Variants in BPIFB2 observed in about 807,000 individuals in gnomAD.
The protein encoded by BPIFB2 is BPI fold-containing family B member 2.
Under a neutral mutation model 50.1 loss-of-function variants are expected in BPIFB2, and 39 were observed. That is an observed-to-expected ratio of 0.78 (90% CI 0.60 to 1.02). BPIFB2 has a LOEUF of 1.02. Ranked by LOEUF, BPIFB2 falls within the 50% of genes least tolerant of loss-of-function variation. The pLI is 0.00. For missense variants in BPIFB2, 574 were observed against 585.8 expected, an observed-to-expected ratio of 0.98 and a Z score of 0.21; for synonymous variants, 280 against 256.3, an observed-to-expected ratio of 1.09 and a Z score of -0.88.
At chr20:33,017,175 C>A in intron 7 of BPIFB2, 73 bp downstream of exon 7, 2 of 1,432,766 alleles carry the variant, frequency 1.4e-6, no homozygotes, top group Non-Finnish European at 1.9e-6. Flanking sequence ...CCTCCAAAGG[C>A]TCCACTCTGG....
Position 33,011,015 on chromosome 20 carries a change from G to C in BPIFB2, c.110-9G>C. ...GGCACCCTGACCTCACTCTACCCTG[G>C]CCCCACAGTGTCTGAAATTGGGAAA... On this transcript the variant is annotated splice_polypyrimidine_tract_variant and intron_variant, in intron 2 of 15. Transcript: ENST00000170150. 1.2e-6 allele frequency: 2 copies of C among 1,613,168 alleles called. No homozygotes were observed. The highest frequency in any genetic ancestry group is 8.5e-7 in the Non-Finnish European group (1 of 1,179,294).
Position 33,019,659 on chromosome 20 carries a change from C to T in BPIFB2, c.989C>T (p.Thr330Ile), listed in dbSNP as rs774637105. Reference protein sequence around the residue: ...LGATPVAMLHTNNATLRLQPF... With the variant: ...LGATPVAMLHINNATLRLQPF... Reference sequence around the variant, plus strand: ...GCCACACCTGTGGCCATGCTCCACACAAACAACGCCACCCTGCGGCTGCAG... The same window carrying T: ...GCCACACCTGTGGCCATGCTCCACATAAACAACGCCACCCTGCGGCTGCAG... Residue 330 changes from threonine to isoleucine, a missense_variant, in exon 11 of 16, where the codon ACA becomes ATA. By Grantham distance (89) the Thr-to-Ile change is moderately conservative. Coordinates refer to ENST00000170150, the MANE Select transcript of BPIFB2 (RefSeq NM_025227.3). 6.2e-7 allele frequency: 1 copy of T among 1,612,874 alleles called. No individual in the cohort carries two copies. Among genetic ancestry groups the T allele is most frequent in the Admixed American group, 1.7e-5 (1 of 59,968 alleles).
intron 4 of BPIFB2, 85 bp from the exon 5 acceptor site, chr20:33,013,725 G>T: frequency 1.3e-6 from 2 of 1,521,348 alleles, no homozygotes; most frequent in South Asian, 1.2e-5. Flanking sequence ...GCAGGCAGGG[G>T]CTGGGGAATT....
intron 7 of BPIFB2, among the ~76,000 whole-genome samples, chr20:33,017,355 A>G (rs940608411): frequency 6.6e-6 from 1 of 152,232 alleles, no homozygotes; most frequent in African/African-American, 2.4e-5. Context: ...AACAAAATAC[A>G]ATTTTGAAAT....
chr20:33,013,863 G>A lies in BPIFB2; in HGVS notation c.362G>A (p.Arg121His), dbSNP rs373260080. 3.9e-5 allele frequency: 63 copies of A among 1,613,780 alleles called. No homozygotes were observed. The highest frequency in any genetic ancestry group is 1.7e-4 in the Middle Eastern group (1 of 6,036). Residue 121 changes from arginine (R) to histidine (H), a missense_variant, in exon 5 of 16, where the codon CGC (arginine) becomes CAC (histidine). Arg to His is a conservative substitution (Grantham distance 29). Coordinates refer to ENST00000170150, the MANE Select transcript of BPIFB2 (RefSeq NM_025227.3). ...TLPVELLADT[R>H]VTQSSIRTPV... ...CCTGTGGAACTGCTGGCTGACACCC[G>A]CGTGACCCAGAGCTCCATCAGGACC...
chr20:33,008,931 G>A (rs1223403945), intron 2 of BPIFB2, among the ~76,000 whole-genome samples: 1 of 152,206 alleles, frequency 6.6e-6, no homozygotes, highest in East Asian at 1.9e-4. Context: ...TTGCTCACAT[G>A]CTTTGGTGAT....
At chr20:33,011,182 G>T in intron 3 of BPIFB2, 65 bp downstream of exon 3, 8 of 1,520,472 alleles carry the variant, frequency 5.3e-6, no homozygotes, top group Non-Finnish European at 7.3e-6. Flanking sequence ...TGCTTGCCAG[G>T]TGGGTGCTTC....
In BPIFB2 at chr20:33,018,678, G is replaced by A. The variant is rs147086111; in HGVS notation, c.711G>A (p.Thr237=). 5.0e-6 allele frequency: 8 copies of A among 1,613,954 alleles called. No homozygotes were observed. The Admixed American group carries it at 8.3e-5, about 17-fold the overall frequency. ...TGGGCAAGCCCATCATCCTGCCCAC[G>A]GATGCCACCCCTTTTGTGTTGCCAA... The part of the protein sequence containing the change: ...FLLGKPIILP[T]DATPFVLPRH... The change falls in exon 9 of 16, where the codon ACG becomes ACA. Residue 237 remains threonine, a synonymous_variant. Transcript: ENST00000170150.
chr20:33,013,247 GGGCAA>G (rs1013098807), intron 4 of BPIFB2, among the ~76,000 whole-genome samples: 1 of 152,122 alleles, frequency 6.6e-6, no homozygotes, highest in Non-Finnish European at 1.5e-5. Context: ...CTCTTTCCCA[GGGCAA>G]GGCACATGAG....
chr20:33,021,884 C>A, intron 15 of BPIFB2, 85 bp downstream of exon 15: 2 of 1,338,452 alleles, frequency 1.5e-6, no homozygotes, highest in Non-Finnish European at 2.1e-6. Flanking sequence ...CCCTCCCCCT[C>A]TGTGGCTGCC....
chr20:33,011,728 C>T (rs1990291464), intron 3 of BPIFB2, among the ~76,000 whole-genome samples: 1 of 152,186 alleles, frequency 6.6e-6, no homozygotes, highest in Non-Finnish European at 1.5e-5. Context: ...CCTGTAATCC[C>T]AGCACTTTGG....
At position 33,021,799 on chromosome 20, in the gene BPIFB2, G is replaced by A; in HGVS notation, c.1335G>A (p.Glu445=). 4 of 1,613,474 alleles carry A rather than the reference G, an allele frequency of 2.5e-6. No individual in the cohort carries two copies. Among genetic ancestry groups the A allele is most frequent in the Non-Finnish European group, 3.4e-6 (4 of 1,179,412 alleles). Residue 445 remains glutamate (E), a splice_region_variant and synonymous_variant, in exon 15 of 16, where the codon GAG becomes GAA. Coordinates refer to ENST00000170150, the MANE Select transcript of BPIFB2 (RefSeq NM_025227.3). Reference sequence around the variant, plus strand: ...TCGCCCCTGAGATCTTTGTCTATGAGGTGAGAGCCTTTGGGTGTGACCAGA... The same window carrying A: ...TCGCCCCTGAGATCTTTGTCTATGAAGTGAGAGCCTTTGGGTGTGACCAGA... The part of the protein sequence containing the change: ...HYVAPEIFVY[E]GYVVISSGLF...
At chr20:33,017,396 C>T (rs1434877787) in intron 7 of BPIFB2, among the ~76,000 whole-genome samples, 3 of 152,220 alleles carry the variant, frequency 2.0e-5, no homozygotes, top group African/African-American at 4.8e-5. Context: ...AATCCAAGGA[C>T]CATTGACACT....
chr20:33,010,960 G>A, intron 2 of BPIFB2, 64 bp from the exon 3 acceptor site: 1 of 1,376,132 alleles, frequency 7.3e-7, no homozygotes, highest in South Asian at 1.2e-5. Context: ...ATGGCAGGCA[G>A]TGTGTTCTTG....
At chr20:33,014,867 G>A (rs1438552078) in intron 5 of BPIFB2, among the ~76,000 whole-genome samples, 1 of 152,232 alleles carries the variant, frequency 6.6e-6, no homozygotes, top group Non-Finnish European at 1.5e-5. Flanking sequence ...CAGAGGCTTT[G>A]GGAACACAGA....
chr20:33,009,065 T>C lies in BPIFB2; in HGVS notation c.109+382T>C, dbSNP rs1382430217. The stretch of plus-strand genomic sequence containing the variant: ...CGGGGAGGGTGCAAGCCCATGATGC[T>C]GCCTGGATGTGTGTGCACAGGTACG... On this transcript the variant is annotated intron_variant, in intron 2 of 15. Transcript: ENST00000170150. The surrounding 1 kb of genome is among the most constrained non-coding windows in gnomAD (Gnocchi z 4.2). Among the ~76,000 whole-genome samples, 1 of 152,206 alleles carries C rather than the reference T, an allele frequency of 6.6e-6. No individual in the cohort carries two copies. The highest frequency in any genetic ancestry group is 1.9e-4 in the East Asian group (1 of 5,194).
In BPIFB2 at chr20:33,009,119, G is replaced by A. The variant is rs1191592774; in HGVS notation, c.109+436G>A. On this transcript the variant is annotated intron_variant, in intron 2 of 15. Transcript: ENST00000170150. The surrounding 1 kb of genome is among the most constrained non-coding windows in gnomAD (Gnocchi z 4.2). ...GTTCACCCTGGGTGTACACGTTTGC[G>A]TATGTGGTGTGTGCACGCACGTGTG... 4.6e-5 allele frequency among the ~76,000 whole-genome samples: 7 copies of A among 152,182 alleles called. No homozygotes were observed. The highest frequency in any genetic ancestry group is 3.2e-3 in the Middle Eastern group (1 of 316).
chr20:33,008,507 T>G, intron 1 of BPIFB2, 34 bp from the exon 2 acceptor site: 1 of 1,382,104 alleles, frequency 7.2e-7, no homozygotes, highest in African/African-American at 1.4e-5. Context: ...TGGGCTGTTT[T>G]GGCTGAGCTC....
At position 33,023,310 on chromosome 20, in the gene BPIFB2, T is replaced by C. The variant is rs57627292; in HGVS notation, c.1336-32T>C. On this transcript the variant is annotated intron_variant, in intron 15 of 15. Coordinates refer to ENST00000170150, the MANE Select transcript of BPIFB2 (RefSeq NM_025227.3). The stretch of plus-strand genomic sequence containing the variant: ...GCTGGGGTCCTGCCTGTGCCTCCTC[T>C]GACCTGGTCCATGGTTTCCTTTGCC... 7,069 of 1,610,362 alleles carry C rather than the reference T, an allele frequency of 4.4e-3. 259 individuals are homozygous for C. The African/African-American group carries it at 0.081, about 18-fold the overall frequency.
Sources: allele counts gnomAD v4.1 joint callset (sites outside exome capture counted in the v4.1 genomes callset), GRCh38; gene constraint gnomAD v4.1.1; non-coding constraint Gnocchi (gnomAD v3.1); transcripts MANE v1.5; gene names NCBI Gene and HGNC (gene_info 2026-07-23, HGNC 2026-07-21).